Variants in KRT76 observed in about 807,000 individuals in gnomAD.
The protein encoded by KRT76 is keratin 76.
KRT76 carries 47 observed loss-of-function variants against 44.9 expected under a neutral mutation model. The observed-to-expected ratio is 1.05, with a 90% CI of 0.83 to 1.33. KRT76 has a LOEUF of 1.33. Among genes scored for constraint, KRT76 ranks in the 40% most tolerant of loss-of-function variants. The probability of loss-of-function intolerance (pLI) is 0.00; values close to 1 mark genes in which losing one functional copy is unlikely to be tolerated. For missense variants in KRT76, 860 were observed against 775.8 expected (o/e 1.11, Z -1.29); for synonymous variants, 331 against 294.1 (o/e 1.13, Z -1.28).
chr12:52,773,632 C>A lies in KRT76; in HGVS notation c.826G>T (p.Glu276Ter), dbSNP rs149868801. 13,750 of 1,613,018 alleles carry A rather than the reference C, an allele frequency of 8.5e-3. 82 individuals are homozygous for A. Among genetic ancestry groups the A allele is most frequent in the Middle Eastern group, 0.012 (72 of 6,056 alleles). Reference protein sequence around the residue: ...VEDFKKKYEDEINKRTAAENE... With the variant: ...VEDFKKKYED ...TCTGCGGCAGTGCGTTTGTTGATTT[C>A]ATCTTCATACCTGGAACAAGAAGAG... The change falls in exon 3 of 9, where the codon GAA (glutamate) becomes TAA (stop). Residue 276 changes from glutamate to a stop codon, truncating the protein, a stop_gained. Coordinates refer to ENST00000332411, the MANE Select transcript of KRT76 (RefSeq NM_015848.4). LOFTEE classifies it high-confidence loss of function.
chr12:52,768,985 A>AGCC lies in KRT76; in HGVS notation c.1642_1644dup (p.Gly548dup). The AGCC allele has an allele frequency of 9.2e-7, 1 of 1,082,476 alleles. No homozygotes were observed. The allele number at this position is 1,082,476 out of a possible 1,614,324, so 67.1% of individuals were successfully genotyped here. A position where few individuals can be genotyped will look rare whatever the true frequency, so the allele number is the denominator to read the frequency against. ...CTGCCGCTGCCGCCACTGACTCCAT[A>AGCC]GCCACTGCTGCTGCTGCTGCTGCTG... On this transcript the variant is annotated inframe_insertion, in exon 9 of 9. Transcript: ENST00000332411.
intron 5 of KRT76, 36 bp downstream of exon 5, chr12:52,772,058 G>T: frequency 6.2e-7 from 1 of 1,607,258 alleles, no homozygotes; most frequent in South Asian, 1.1e-5. Flanking sequence ...CTCAATGAAG[G>T]TCATCAGGAT....
In KRT76 at chr12:52,776,952, T is replaced by C. The variant is rs1309618075; in HGVS notation, c.340A>G (p.Ser114Gly). 6.2e-7 allele frequency: 1 copy of C among 1,612,980 alleles called. No homozygotes were observed. The highest frequency in any genetic ancestry group is 8.5e-7 in the Non-Finnish European group (1 of 1,179,554). Residue 114 changes from serine (S) to glycine (G), a missense_variant, in exon 1 of 9, where the codon AGT (serine) becomes GGT (glycine). Ser to Gly is a moderately conservative substitution (Grantham distance 56). Coordinates refer to ENST00000332411, the MANE Select transcript of KRT76 (RefSeq NM_015848.4). Reference sequence around the variant, plus strand: ...AAGCCACCAGCCCCTCCAAAACCACTACCTACTCCTCTGCCACCACCAAAG... The same window carrying C: ...AAGCCACCAGCCCCTCCAAAACCACCACCTACTCCTCTGCCACCACCAAAG... ...GGFGGGRGVG[S>G]GFGGAGGFGG...
Position 52,776,842 on chromosome 12 carries a change from G to T in KRT76, c.450C>A (p.Gly150=). Residue 150 remains glycine (G), a synonymous_variant, in exon 1 of 9, where the codon GGC becomes GGA. Coordinates refer to ENST00000332411, the MANE Select transcript of KRT76 (RefSeq NM_015848.4). ...TCACTTCCTGAATTCCCCCAGGAAA[G>T]CCCCCAGGGCCAAAGCCACCAGGAC... ...FGGPGGFGPG[G]FPGGIQEVIV... is the part of the protein sequence containing the mutation. 1 of 1,613,744 alleles carries T rather than the reference G, an allele frequency of 6.2e-7. No homozygotes were observed. The highest frequency in any genetic ancestry group is 8.5e-7 in the Non-Finnish European group (1 of 1,179,840).
intron 1 of KRT76, among the ~76,000 whole-genome samples, chr12:52,775,945 C>T (rs756219494): frequency 4.0e-5 from 6 of 151,696 alleles, no homozygotes; most frequent in Admixed American, 6.5e-5. Flanking sequence ...AAGAATCAAA[C>T]CCAGGACTGT....
Position 52,776,042 on chromosome 12 carries a change from T to C in KRT76, c.601-440A>G, listed in dbSNP as rs114611522. On this transcript the variant is annotated intron_variant, in intron 1 of 8. Transcript: ENST00000332411. ...CATTGTTTTTTAGATGTAAGCTTTT[T>C]TCAGCTCCATAAAGGCAGTGAATAC... is the stretch of plus-strand genomic sequence containing the variant. 3.6e-3 allele frequency among the ~76,000 whole-genome samples: 555 copies of C among 152,292 alleles called. 4 individuals are homozygous for C. The highest frequency in any genetic ancestry group is 0.014 in the Middle Eastern group (4 of 294).
In KRT76 at chr12:52,772,130, C is replaced by A; in HGVS notation, c.1101G>T (p.Arg367Ser). The change falls in exon 5 of 9, where the codon AGG (arginine) becomes AGT (serine). Residue 367 changes from arginine to serine, a missense_variant. By Grantham distance (110) the Arg-to-Ser change is moderately radical. Transcript: ENST00000332411. The part of the protein sequence containing the change: ...VRAQYEEIAQ[R>S]SKSEAEALYQ... Reference sequence around the variant, plus strand: ...ACAGGGCCTCAGCTTCAGACTTGCTCCTCTGGGCAATCTCCTCATACTGGG... The same window carrying A: ...ACAGGGCCTCAGCTTCAGACTTGCTACTCTGGGCAATCTCCTCATACTGGG... 6.2e-7 allele frequency: 1 copy of A among 1,612,990 alleles called. No individual in the cohort carries two copies. Among genetic ancestry groups the A allele is most frequent in the Non-Finnish European group, 8.5e-7 (1 of 1,179,396 alleles).
In KRT76 at chr12:52,768,965, GCTGCCGCCACTGACTCCATAGCCA is replaced by G; in HGVS notation, c.1641_1664del (p.Tyr549_Gly556del). The G allele has an allele frequency of 7.9e-7, 1 of 1,267,408 alleles. No individual in the cohort carries two copies. The highest frequency in any genetic ancestry group is 1.1e-6 in the Non-Finnish European group (1 of 882,126). The allele number at this position is 1,267,408 out of a possible 1,614,324, so 78.5% of individuals were successfully genotyped here. On this transcript the variant is annotated inframe_deletion, in exon 9 of 9. Coordinates refer to ENST00000332411, the MANE Select transcript of KRT76 (RefSeq NM_015848.4). ...TGCTGACCCCTCCATAGCCACTGCC[GCTGCCGCCACTGACTCCATAGCCA>G]CTGCTGCTGCTGCTGCTGCTGCCGC...
chr12:52,776,667 C>T, intron 1 of KRT76, 25 bp downstream of exon 1: 2 of 1,613,684 alleles, frequency 1.2e-6, no homozygotes, highest in African/African-American at 1.3e-5. Context: ...AAACCCTCCA[C>T]AGCACCTCTT....
chr12:52,770,936 T>A, intron 7 of KRT76, 63 bp downstream of exon 7: 1 of 1,604,470 alleles, frequency 6.2e-7, no homozygotes, highest in Non-Finnish European at 8.5e-7. Context: ...TTGCCCCCTT[T>A]CCACATTATC....
chr12:52,769,212 A>T, intron 8 of KRT76, 102 bp from the exon 9 acceptor site: 1 of 618,222 alleles, frequency 1.6e-6, no homozygotes, highest in South Asian at 2.0e-5. Flanking sequence ...ACTTCGAGAA[A>T]GATGCTAACT....
rs1253672334 is a variant in KRT76 at position 52,768,562 on chromosome 12, A to G, written c.*151T>C. 3.4e-6 allele frequency: 3 copies of G among 873,526 alleles called. No homozygotes were observed. Among genetic ancestry groups the G allele is most frequent in the Non-Finnish European group, 5.3e-6 (3 of 565,846 alleles). The allele number at this position is 873,526 out of a possible 1,614,324, so 54.1% of individuals were successfully genotyped here. ...CCATGGCCCTGGGAAGGTCATGGGGATGGAGAAACCAGGAGTTCAGCTTCT... is the reference window on the plus strand; with the variant it reads ...CCATGGCCCTGGGAAGGTCATGGGGGTGGAGAAACCAGGAGTTCAGCTTCT... On this transcript the variant is annotated 3_prime_UTR_variant, in exon 9 of 9. Coordinates refer to ENST00000332411, the MANE Select transcript of KRT76 (RefSeq NM_015848.4).
At position 52,772,116 on chromosome 12, in the gene KRT76, G is replaced by T; in HGVS notation, c.1115C>A (p.Ala372Asp). 6.2e-7 allele frequency: 1 copy of T among 1,612,066 alleles called. No homozygotes were observed. The highest frequency in any genetic ancestry group is 1.1e-5 in the South Asian group (1 of 90,532). ...EEIAQRSKSE[A>D]EALYQTKLGE... ...CACCTTGGTCTGGTACAGGGCCTCA[G>T]CTTCAGACTTGCTCCTCTGGGCAAT... The change falls in exon 5 of 9, where the codon GCT becomes GAT. Residue 372 changes from alanine to aspartate, a missense_variant. By Grantham distance (126) the Ala-to-Asp change is moderately radical (BLOSUM62 -2). Coordinates refer to ENST00000332411, the MANE Select transcript of KRT76 (RefSeq NM_015848.4).
Position 52,768,583 on chromosome 12 carries a change from C to G in KRT76, c.*130G>C. 2 of 1,071,682 alleles carry G rather than the reference C, an allele frequency of 1.9e-6. No homozygotes were observed. The highest frequency in any genetic ancestry group is 2.7e-6 in the Non-Finnish European group (2 of 742,774). The allele number at this position is 1,071,682 out of a possible 1,614,324, so 66.4% of individuals were successfully genotyped here. On this transcript the variant is annotated 3_prime_UTR_variant, in exon 9 of 9. Coordinates refer to ENST00000332411, the MANE Select transcript of KRT76 (RefSeq NM_015848.4). Reference sequence around the variant, plus strand: ...GGGGATGGAGAAACCAGGAGTTCAGCTTCTTCTCCAGGGAACTTGAGGAAA... The same window carrying G: ...GGGGATGGAGAAACCAGGAGTTCAGGTTCTTCTCCAGGGAACTTGAGGAAA...
chr12:52,776,773 G>A lies in KRT76; in HGVS notation c.519C>T (p.Asp173=). The change falls in exon 1 of 9, where the codon GAC becomes GAT. Residue 173 remains aspartate (D), a synonymous_variant. Transcript: ENST00000332411. ...GGGCCTTTACTTGCCCAATCTGGGG[G>A]TCGATCTCCACATTGAGGGGCTGCA... ...SLLQPLNVEI[D]PQIGQVKAQE... 2 of 1,614,024 alleles carry A rather than the reference G, an allele frequency of 1.2e-6. No individual in the cohort carries two copies. Among genetic ancestry groups the A allele is most frequent in the East Asian group, 2.2e-5 (1 of 44,864 alleles).
At chr12:52,772,995 G>T in intron 3 of KRT76, 117 bp from the exon 4 acceptor site, 1 of 670,270 alleles carries the variant, frequency 1.5e-6, no homozygotes, top group Non-Finnish European at 2.6e-6. Flanking sequence ...TCCTAATTGT[G>T]ACTTCTCATC....
intron 2 of KRT76, among the ~76,000 whole-genome samples, chr12:52,774,521 C>A (rs1383353013): frequency 6.6e-6 from 1 of 152,202 alleles, no homozygotes; most frequent in African/African-American, 2.4e-5. Context: ...GGACTAAAAT[C>A]TACTACCAAG....
chr12:52,775,252 T>G, intron 2 of KRT76, 136 bp downstream of exon 2: 1 of 777,082 alleles, frequency 1.3e-6, no homozygotes, highest in Non-Finnish European at 2.1e-6. Context: ...CCCTTCTGCT[T>G]TGTCATGTTT....
rs959198082 is a variant in KRT76, at chr12:52,777,044, C to T, written c.248G>A (p.Gly83Glu). The T allele has an allele frequency of 4.3e-6, 7 of 1,614,146 alleles. No homozygotes were observed. The highest frequency in any genetic ancestry group is 2.2e-5 in the East Asian group (1 of 44,886). The change falls in exon 1 of 9, where the codon GGA becomes GAA. Residue 83 changes from glycine to glutamate, a missense_variant. Gly to Glu is a moderately conservative substitution (Grantham distance 98). Transcript: ENST00000332411. ...AGSSRAGGFG[G>E]GRSSCGFAGG... ...TGCAAAGCCACAGCTGCTCCGCCCTCCCCCAAAGCCTCCAGCCCGGGAGCT... is the reference window on the plus strand; with the variant it reads ...TGCAAAGCCACAGCTGCTCCGCCCTTCCCCAAAGCCTCCAGCCCGGGAGCT...
Sources: gnomAD v4.1 joint callset for allele counts (sites outside exome capture counted in the v4.1 genomes callset) on GRCh38, gnomAD v4.1.1 for gene constraint, MANE v1.5 for transcripts, NCBI Gene and HGNC (gene_info 2026-07-23, HGNC 2026-07-21) for gene names.